The following TPD52 variants were observed in gnomAD, a reference collection of about 807,000 sequenced individuals.
The protein encoded by TPD52 is prostate and colon associated protein.
TPD52 carries 17 observed loss-of-function variants against 31.3 expected under a neutral mutation model. The ratio of observed to expected loss-of-function variants is 0.54; its 90% CI spans 0.37 to 0.82. TPD52 has a LOEUF of 0.82. Ranked by LOEUF, TPD52 falls within the 40% of genes least tolerant of loss-of-function variation. The probability of loss-of-function intolerance (pLI) is 0.00; values close to 1 mark genes in which losing one functional copy is unlikely to be tolerated. For synonymous variants in TPD52, 83 were observed against 89.6 expected (o/e 0.93, Z 0.42); for missense variants, 212 against 240.1 (o/e 0.88, Z 0.77).
intron 1 of TPD52, among the ~76,000 whole-genome samples, chr8:80,156,764 C>A (rs1811000018): frequency 6.6e-6 from 1 of 151,962 alleles, no homozygotes. Flanking sequence ...TGTGGGGATG[C>A]CAAGTAGGTT....
intron 5 of TPD52, among the ~76,000 whole-genome samples, chr8:80,044,487 A>C (rs1290625088): frequency 6.6e-6 from 1 of 152,214 alleles, no homozygotes; most frequent in Non-Finnish European, 1.5e-5. Flanking sequence ...GCTGTAAGGC[A>C]TATAGGTGTT....
rs10112154 is a variant in TPD52 at position 80,050,243 on chromosome 8, C to T, written c.413+202G>A. 737 of 424,730 alleles carry T rather than the reference C, an allele frequency of 1.7e-3. 7 individuals are homozygous for T. Among genetic ancestry groups the T allele is most frequent in the African/African-American group, 0.013 (650 of 48,972 alleles). The allele number at this position is 424,730 out of a possible 1,614,324, so 26.3% of individuals were successfully genotyped here. On this transcript the variant is annotated intron_variant, in intron 5 of 7. Coordinates refer to ENST00000518937, the MANE Select transcript of TPD52 (RefSeq NM_001025253.3). ...ATCCCTTGAACCACAGTGTCAAATA[C>T]TTCTTTTAATTTATCAACTACCCAT...
intron 6 of TPD52, among the ~76,000 whole-genome samples, chr8:80,043,150 A>G (rs1810536650): frequency 6.6e-6 from 1 of 152,168 alleles, no homozygotes; most frequent in African/African-American, 2.4e-5. Context: ...AATATCAGGG[A>G]GCAGCATAAT....
intron 1 of TPD52, among the ~76,000 whole-genome samples, chr8:80,162,864 T>G (rs1196538932): frequency 6.6e-6 from 1 of 151,988 alleles, no homozygotes; most frequent in African/African-American, 2.4e-5. Flanking sequence ...AGTTCAAGGT[T>G]ATGGTAATCT....
chr8:80,063,485 C>T (rs909955683), intron 2 of TPD52, among the ~76,000 whole-genome samples: 4 of 152,304 alleles, frequency 2.6e-5, no homozygotes, highest in Admixed American at 6.5e-5. Flanking sequence ...GTGGCAGCTG[C>T]ACAACACTGT....
At chr8:80,168,543 G>A (rs73693140) in intron 1 of TPD52, among the ~76,000 whole-genome samples, 3,439 of 152,288 alleles carry the variant, frequency 0.023, 115 homozygotes, top group African/African-American at 0.077. Context: ...CAATCACAGA[G>A]TTTGATAAAC....
intron 1 of TPD52, among the ~76,000 whole-genome samples, chr8:80,128,665 A>G (rs916781018): frequency 6.6e-6 from 1 of 151,478 alleles, no homozygotes; most frequent in Non-Finnish European, 1.5e-5. Flanking sequence ...TGTCTCAAAT[A>G]AAATAAAATA....
At chr8:80,100,216 C>T (rs908745436) in intron 1 of TPD52, among the ~76,000 whole-genome samples, 1 of 152,202 alleles carries the variant, frequency 6.6e-6, no homozygotes, top group Non-Finnish European at 1.5e-5. Context: ...GGCAAAGTGA[C>T]ACACAGAAAC....
At chr8:80,039,871 A>G (rs1810209912) in intron 7 of TPD52, among the ~76,000 whole-genome samples, 1 of 152,076 alleles carries the variant, frequency 6.6e-6, no homozygotes, top group African/African-American at 2.4e-5. Flanking sequence ...ACTTTCTGCC[A>G]CTTGTCCTCA....
chr8:80,051,778 C>A, intron 3 of TPD52, 150 bp from the exon 4 acceptor site: 1 of 622,376 alleles, frequency 1.6e-6, no homozygotes, highest in Non-Finnish European at 2.7e-6. Flanking sequence ...TCATAACCAG[C>A]AGAGCGGCAT....
intron 1 of TPD52, among the ~76,000 whole-genome samples, chr8:80,168,132 G>A (rs1396215415): frequency 6.6e-6 from 1 of 152,214 alleles, no homozygotes; most frequent in Admixed American, 6.5e-5. Flanking sequence ...AACTCTCACT[G>A]TAAGCAGAGT....
intron 1 of TPD52, among the ~76,000 whole-genome samples, chr8:80,117,733 T>A (rs1807966015): frequency 2.1e-5 from 2 of 94,010 alleles, no homozygotes; most frequent in Admixed American, 1.1e-4. Context: ...TTTTTTTCTT[T>A]CTTTTTTTTT....
At chr8:80,095,543 G>A (rs1458310878) in intron 1 of TPD52, among the ~76,000 whole-genome samples, 2 of 152,182 alleles carry the variant, frequency 1.3e-5, no homozygotes, top group East Asian at 3.8e-4. Flanking sequence ...TTAACCAAAT[G>A]TAACAAATGT....
intron 1 of TPD52, among the ~76,000 whole-genome samples, chr8:80,148,131 T>C (rs1363093141): frequency 1.4e-5 from 2 of 147,694 alleles, no homozygotes; most frequent in Non-Finnish European, 3.0e-5. Context: ...GGTATTTTAT[T>C]AAAACTTACA....
intron 1 of TPD52, among the ~76,000 whole-genome samples, chr8:80,130,872 T>C (rs1808972045): frequency 6.6e-6 from 1 of 152,208 alleles, no homozygotes; most frequent in South Asian, 2.1e-4. Context: ...AGGGGAATCA[T>C]TTAACGTATT....
At chr8:80,105,330 C>G (rs7388156) in intron 1 of TPD52, among the ~76,000 whole-genome samples, 98,406 of 151,952 alleles carry the variant, frequency 0.65, 33,462 homozygotes, top group African/African-American at 0.87. Flanking sequence ...GTTAAAGATC[C>G]ACCCCTGACC....
intron 1 of TPD52, among the ~76,000 whole-genome samples, chr8:80,164,048 G>A (rs1381022533): frequency 7.3e-6 from 1 of 136,898 alleles, no homozygotes; most frequent in African/African-American, 3.0e-5. Flanking sequence ...GAGAGAGAGA[G>A]AGAGAGACAG....
At chr8:80,108,289 TAAG>T (rs1438590144) in intron 1 of TPD52, among the ~76,000 whole-genome samples, 22 of 152,358 alleles carry the variant, frequency 1.4e-4, no homozygotes, top group African/African-American at 4.6e-4. Flanking sequence ...TATATTTGTT[TAAG>T]AAGGAGTGAC....
intron 1 of TPD52, among the ~76,000 whole-genome samples, chr8:80,081,296 G>A (rs1445303944): frequency 2.0e-5 from 3 of 151,886 alleles, no homozygotes; most frequent in Admixed American, 2.0e-4. Context: ...CTGCAGAGCT[G>A]CAATAAACCT....
Sources: gnomAD v4.1 joint callset for allele counts (sites outside exome capture counted in the v4.1 genomes callset) on GRCh38, gnomAD v4.1.1 for gene constraint, MANE v1.5 for transcripts, NCBI Gene and HGNC (gene_info 2026-07-23, HGNC 2026-07-21) for gene names.